The following DAB1 variants were observed in gnomAD, a reference collection of about 807,000 sequenced individuals.
The protein encoded by DAB1 is disabled homolog 1.
Under a neutral mutation model 64.6 loss-of-function variants are expected in DAB1, and 15 were observed. The ratio of observed to expected loss-of-function variants is 0.23; its 90% confidence interval spans 0.16 to 0.36. The LOEUF is 0.36. Ranked by LOEUF, DAB1 falls within the 10% of genes least tolerant of loss-of-function variation. The probability of loss-of-function intolerance (pLI) is 1.00; values close to 1 mark genes in which losing one functional copy is unlikely to be tolerated. For synonymous variants in DAB1, 235 were observed against 251.9 expected (o/e 0.93, Z 0.64); for missense variants, 596 against 706.7 (o/e 0.84, Z 1.78).
In DAB1 at chr1:57,635,438, GC is replaced by G. The variant is rs546296427; in HGVS notation, n.625+14153del. Among the ~76,000 whole-genome samples, 235 of 152,100 alleles carry G rather than the reference GC, an allele frequency of 1.5e-3. 1 individual carries two copies. Among genetic ancestry groups the G allele is most frequent in the African/African-American group, 5.5e-3 (227 of 41,476 alleles). ...TCCGCCTCCTATCAGATCAGCTATG[GC>G]CTTAGGTTCTCATGGGAGTGTGAAC... On this transcript the variant is annotated intron_variant and non_coding_transcript_variant, in intron 7 of 20. Transcript: ENST00000485760.
At chr1:57,886,733 A>C (rs921895169), upstream of DAB1, among the ~76,000 whole-genome samples, 1 of 152,138 alleles carries the variant, frequency 6.6e-6, no homozygotes, top group Non-Finnish European at 1.5e-5. Context: ...GTAATATTTA[A>C]ACTTGTAGAC....
chr1:57,509,244 T>C (rs79918993), intron 7 of DAB1, among the ~76,000 whole-genome samples: 1 of 152,234 alleles, frequency 6.6e-6, no homozygotes, highest in East Asian at 1.9e-4. Context: ...CTATAACACA[T>C]GCTCAATAAG....
chr1:57,796,029 C>G (rs1289712392), intron 6 of DAB1, among the ~76,000 whole-genome samples: 3 of 151,836 alleles, frequency 2.0e-5, no homozygotes, highest in Non-Finnish European at 4.4e-5. Context: ...GTAAATTTAA[C>G]TCACTCTAGA....
intron 5 of DAB1, among the ~76,000 whole-genome samples, chr1:58,132,375 A>AT (rs1402205144): frequency 6.6e-6 from 1 of 152,130 alleles, no homozygotes; most frequent in Non-Finnish European, 1.5e-5. Flanking sequence ...CCCTAGTGAG[A>AT]TGAACCCGGT....
intron 6 of DAB1, among the ~76,000 whole-genome samples, chr1:57,794,367 T>G (rs1253843222): frequency 6.6e-6 from 1 of 152,228 alleles, no homozygotes; most frequent in African/African-American, 2.4e-5. Context: ...TAGCATTAGA[T>G]CCTCCAACAC....
chr1:57,695,374 AAGAAAGAAAG>A (rs1646824045), intron 6 of DAB1, among the ~76,000 whole-genome samples: 2 of 48,550 alleles, frequency 4.1e-5, no homozygotes, highest in African/African-American at 1.0e-4. Flanking sequence ...GAAAGAAAGA[AAGAAAGAAAG>A]AAAGAAAGAA....
intron 4 of DAB1, among the ~76,000 whole-genome samples, chr1:58,257,655 T>A (rs1477627247): frequency 1.3e-5 from 2 of 152,188 alleles, no homozygotes; most frequent in African/African-American, 4.8e-5. Context: ...TTAAACAGAT[T>A]GCTGCACAAA....
At chr1:58,149,037 C>G (rs565764150) in intron 5 of DAB1, among the ~76,000 whole-genome samples, 1 of 152,290 alleles carries the variant, frequency 6.6e-6, no homozygotes, top group African/African-American at 2.4e-5. Context: ...AATATCATGT[C>G]CACAAACAGT....
At position 57,739,705 on chromosome 1, in the gene DAB1, G is replaced by A. The variant is rs377669126; in HGVS notation, n.552-90040C>T. 6.7e-4 allele frequency among the ~76,000 whole-genome samples: 100 copies of A among 150,262 alleles called. 1 individual carries two copies. The East Asian group carries it at 0.01, about 16-fold the overall frequency. ...TGATCTCAAACAATCTGCCTGCCTCGGCCTCCCAAAGTGCTGGGATTATAG... is the reference window on the plus strand; with the variant it reads ...TGATCTCAAACAATCTGCCTGCCTCAGCCTCCCAAAGTGCTGGGATTATAG... On this transcript the variant is annotated intron_variant and non_coding_transcript_variant, in intron 6 of 20. Coordinates refer to the DAB1 transcript ENST00000485760.
chr1:57,147,333 G>A (rs1262556162), intron 2 of DAB1, among the ~76,000 whole-genome samples: 1 of 149,484 alleles, frequency 6.7e-6, no homozygotes, highest in African/African-American at 2.4e-5. Context: ...AGTAAAAGAA[G>A]CAAGTAGAAG....
chr1:57,899,997 T>C (rs551486102), intron 5 of DAB1, among the ~76,000 whole-genome samples: 1 of 151,764 alleles, frequency 6.6e-6, no homozygotes, highest in East Asian at 1.9e-4. Context: ...TGGAGTACAG[T>C]GGGTGATCAT....
At chr1:58,400,473 CA>C (rs1644559405) in intron 3 of DAB1, among the ~76,000 whole-genome samples, 1 of 152,138 alleles carries the variant, frequency 6.6e-6, no homozygotes, top group Non-Finnish European at 1.5e-5. Flanking sequence ...GCAGGACAGA[CA>C]CCCCGAGGGT....
At chr1:57,125,830 T>G (rs1657084868) in intron 4 of DAB1, among the ~76,000 whole-genome samples, 2 of 152,168 alleles carry the variant, frequency 1.3e-5, no homozygotes, top group Non-Finnish European at 2.9e-5. Flanking sequence ...ATTTTCTGTC[T>G]CAGGGAGATG....
intron 7 of DAB1, among the ~76,000 whole-genome samples, chr1:57,543,912 G>A (rs1347643414): frequency 2.6e-5 from 4 of 152,130 alleles, no homozygotes; most frequent in South Asian, 2.1e-4. Flanking sequence ...TTCAAAACCA[G>A]CCTGGGCAAC....
At chr1:57,498,788 G>C (rs150900959) in intron 7 of DAB1, among the ~76,000 whole-genome samples, 12 of 152,222 alleles carry the variant, frequency 7.9e-5, no homozygotes, top group Admixed American at 3.9e-4. Flanking sequence ...CTGGAAGGAA[G>C]TTTATTTATT....
At chr1:57,797,381 G>T (rs1650922089) in intron 6 of DAB1, among the ~76,000 whole-genome samples, 2 of 152,196 alleles carry the variant, frequency 1.3e-5, no homozygotes, top group Admixed American at 1.3e-4. Flanking sequence ...CAAGCCTATT[G>T]TCTTGCTGTA....
At chr1:57,775,919 A>T (rs945023396) in intron 6 of DAB1, among the ~76,000 whole-genome samples, 1 of 151,698 alleles carries the variant, frequency 6.6e-6, no homozygotes, top group Non-Finnish European at 1.5e-5. Context: ...TTTATAATTT[A>T]AAATTGTGAT....
intron 4 of DAB1, among the ~76,000 whole-genome samples, chr1:58,194,965 G>A (rs1224151437): frequency 6.6e-6 from 1 of 152,324 alleles, no homozygotes; most frequent in South Asian, 2.1e-4. Context: ...TACTTTCTAT[G>A]TCTTTGTCTT....
intron 6 of DAB1, among the ~76,000 whole-genome samples, chr1:57,763,661 A>G (rs1346643861): frequency 6.6e-6 from 1 of 152,108 alleles, no homozygotes; most frequent in African/African-American, 2.4e-5. Flanking sequence ...CTGAATGACA[A>G]AGCAAGACCT....
Sources: allele counts gnomAD v4.1 joint callset (sites outside exome capture counted in the v4.1 genomes callset), GRCh38; gene constraint gnomAD v4.1.1; transcripts MANE v1.5; gene names NCBI Gene and HGNC (gene_info 2026-07-23, HGNC 2026-07-21).